NF1: variants seen among roughly 807,000 people sequenced by gnomAD.
NF1 encodes neurofibromin 1.
A neutral mutation model predicts 325.7 loss-of-function variants in NF1; 122 were observed. The ratio of observed to expected loss-of-function variants is 0.37; its 90% CI spans 0.32 to 0.44. The LOEUF (loss-of-function observed/expected upper bound fraction) is 0.44. Among genes scored for constraint, NF1 ranks in the 20% least tolerant of loss-of-function variants. The pLI, the probability that NF1 is intolerant of heterozygous loss-of-function variation, is 1.00. For synonymous variants in NF1, 1,091 were observed against 1,186.0 expected, an observed-to-expected ratio of 0.92 and a Z score of 1.65; for missense variants, 2,140 against 3,415.4, an observed-to-expected ratio of 0.63 and a Z score of 9.31.
intron 5 of NF1, among the ~76,000 whole-genome samples, chr17:31,178,145 G>A (rs538782062): frequency 2.0e-5 from 3 of 152,214 alleles, no homozygotes; most frequent in African/African-American, 7.2e-5. Context: ...ACAAAGGGAA[G>A]CCCATCAGAC....
At chr17:31,198,243 G>A (rs2066468194) in intron 8 of NF1, among the ~76,000 whole-genome samples, 2 of 152,106 alleles carry the variant, frequency 1.3e-5, no homozygotes, top group South Asian at 4.1e-4. Context: ...TTTTCCTGTA[G>A]TATTTTTGTC....
At chr17:31,236,508 C>T (rs1308026994) in intron 29 of NF1, among the ~76,000 whole-genome samples, 6 of 152,106 alleles carry the variant, frequency 3.9e-5, no homozygotes, top group African/African-American at 7.2e-5. Flanking sequence ...GGCGCAGTCT[C>T]GGCTCACTGC....
intron 40 of NF1, 87 bp downstream of exon 40, chr17:31,335,118 C>T: frequency 9.0e-7 from 1 of 1,115,836 alleles, no homozygotes; most frequent in Non-Finnish European, 1.3e-6. Context: ...CTGCGCTAGA[C>T]ACTAGGGATA....
rs17882881 is a variant in NF1 at position 31,157,633 on chromosome 17, A to G, written c.205-1377A>G. Among the ~76,000 whole-genome samples the G allele has an allele frequency of 7.8e-3, 1,180 of 152,110 alleles. 11 individuals are homozygous for G. The highest frequency in any genetic ancestry group is 0.012 in the Non-Finnish European group (845 of 67,992). ...TTTATCATTTCTTTGTGTTGGGAAT[A>G]TTGAATATTCTCTTGTTATTTGAAA... On this transcript the variant is annotated intron_variant, in intron 2 of 57. Coordinates refer to ENST00000358273, the MANE Select transcript of NF1 (RefSeq NM_001042492.3).
intron 36 of NF1, among the ~76,000 whole-genome samples, chr17:31,313,498 G>A (rs1036091620): frequency 1.3e-5 from 2 of 152,076 alleles, no homozygotes; most frequent in African/African-American, 4.8e-5. Context: ...AAGGTCAGGA[G>A]TAGGAGACCA....
At chr17:31,138,163 T>A in intron 1 of NF1, 1 of 152,166 alleles carries the variant, frequency 6.6e-6, no homozygotes, top group Admixed American at 6.5e-5. Context: ...AATTGATTAC[T>A]CATGTAATGT....
chr17:31,286,660 G>T (rs1198558017), intron 36 of NF1, among the ~76,000 whole-genome samples: 1 of 152,198 alleles, frequency 6.6e-6, no homozygotes, highest in East Asian at 1.9e-4. Context: ...AAGGAATACA[G>T]ATGAGTATTT....
chr17:31,237,731 A>ACAATTTTACTGAATCTTATTATTAAG (rs2067228158), intron 29 of NF1, among the ~76,000 whole-genome samples: 1 of 145,240 alleles, frequency 6.9e-6, no homozygotes, highest in Non-Finnish European at 1.5e-5. Flanking sequence ...TTTGTGCCCT[A>ACAATTTTACTGAATCTTATTATTAAG]CAATTTTACT....
intron 1 of NF1, among the ~76,000 whole-genome samples, chr17:31,109,599 G>A (rs955373529): frequency 5.9e-5 from 9 of 152,036 alleles, no homozygotes; most frequent in Admixed American, 2.0e-4. Context: ...GTCCAGGCTG[G>A]TCTCGAGCTC....
At chr17:31,247,392 G>A (rs1376615895) in intron 29 of NF1, among the ~76,000 whole-genome samples, 2 of 152,096 alleles carry the variant, frequency 1.3e-5, no homozygotes, top group Non-Finnish European at 2.9e-5. Context: ...AGATACCAGT[G>A]GGGAGGGGAC....
chr17:31,291,764 T>C (rs777704650), intron 36 of NF1, among the ~76,000 whole-genome samples: 2 of 152,260 alleles, frequency 1.3e-5, no homozygotes, highest in Non-Finnish European at 2.9e-5. Context: ...CATCTTCTCA[T>C]TCTGCTGTGG....
intron 57 of NF1, chr17:31,367,173 A>T (rs2151594801): frequency 1.8e-6 from 2 of 1,131,468 alleles, no homozygotes; most frequent in South Asian, 1.3e-5. Context: ...ACCCTTTTTT[A>T]AATCTTATGA....
intron 16 of NF1, 113 bp downstream of exon 16, chr17:31,223,680 C>T (rs1055156162): frequency 4.9e-5 from 49 of 1,007,402 alleles, no homozygotes; most frequent in South Asian, 1.5e-4. Context: ...CTCCTTCCTC[C>T]CAATGTTCTC....
At chr17:31,232,619 T>C (rs116559109) in intron 25 of NF1, 81 bp from the exon 26 acceptor site, 1 of 1,316,086 alleles carries the variant, frequency 7.6e-7, no homozygotes, top group African/African-American at 1.5e-5. Context: ...ACCATGCACA[T>C]ATGATTGTTT....
intron 36 of NF1, among the ~76,000 whole-genome samples, chr17:31,266,082 A>G (rs1192345125): frequency 2.6e-5 from 4 of 152,242 alleles, no homozygotes; most frequent in African/African-American, 7.2e-5. Context: ...AACATGATAC[A>G]TAGAGAAACC....
chr17:31,143,406 A>G (rs990442331), intron 1 of NF1, among the ~76,000 whole-genome samples: 12 of 151,860 alleles, frequency 7.9e-5, no homozygotes, highest in African/African-American at 2.7e-4. Context: ...AGCTGGGACT[A>G]CAGGTGCATA....
chr17:31,202,086 A>C (rs1460657087), intron 11 of NF1, among the ~76,000 whole-genome samples: 1 of 152,212 alleles, frequency 6.6e-6, no homozygotes, highest in Non-Finnish European at 1.5e-5. Context: ...ATTAAAAGGT[A>C]CTTGCGAAAC....
intron 8 of NF1, among the ~76,000 whole-genome samples, chr17:31,184,308 A>C (rs1231470975): frequency 6.6e-6 from 1 of 152,208 alleles, no homozygotes; most frequent in Non-Finnish European, 1.5e-5. Flanking sequence ...ACCAAGGAAC[A>C]TAATGAAGCT....
intron 8 of NF1, 187 bp downstream of exon 8, chr17:31,182,852 G>A: frequency 1.6e-6 from 1 of 622,860 alleles, no homozygotes; most frequent in South Asian, 2.0e-5. Flanking sequence ...ATTTGGCAGA[G>A]GGAAAATAAT....
Sources: allele counts gnomAD v4.1 joint callset (sites outside exome capture counted in the v4.1 genomes callset), GRCh38; gene constraint gnomAD v4.1.1; transcripts MANE v1.5; gene names NCBI Gene and HGNC (gene_info 2026-07-23, HGNC 2026-07-21).